C10orf71: variants seen among roughly 807,000 people sequenced by gnomAD.
C10orf71 encodes the protein cardiac-enriched FHL2-interacting protein.
For synonymous variants in C10orf71, 758 were observed against 726.3 expected (o/e 1.04, Z -0.70); for missense variants, 1,869 against 1,804.5 (o/e 1.04, Z -0.65).
chr10:49,310,543 G>A (rs906938412), intron 1 of C10orf71, among the ~76,000 whole-genome samples: 4 of 152,168 alleles, frequency 2.6e-5, no homozygotes, highest in African/African-American at 9.7e-5. Flanking sequence ...GCACCTCTCT[G>A]TGCCTTTGTT....
chr10:49,300,413 C>T (rs915029286), intron 1 of C10orf71, among the ~76,000 whole-genome samples: 1 of 146,556 alleles, frequency 6.8e-6, no homozygotes, highest in Non-Finnish European at 1.5e-5. Context: ...AAAAAGTTTG[C>T]TGACCACTGT....
chr10:49,305,913 G>A (rs1848804929), intron 1 of C10orf71, among the ~76,000 whole-genome samples: 1 of 152,186 alleles, frequency 6.6e-6, no homozygotes, highest in East Asian at 1.9e-4. Flanking sequence ...TTAAATGAAC[G>A]AATAGATTAG....
Position 49,323,136 on chromosome 10 carries a change from G to C in C10orf71, c.591G>C (p.Arg197Ser). The C allele has an allele frequency of 1.2e-6, 2 of 1,613,964 alleles. No homozygotes were observed. Among genetic ancestry groups the C allele is most frequent in the Non-Finnish European group, 1.7e-6 (2 of 1,179,886 alleles). The change falls in exon 3 of 3, where the codon AGG becomes AGC. Residue 197 changes from arginine to serine, a missense_variant. By Grantham distance (110) the Arg-to-Ser change is moderately radical (BLOSUM62 -1). Transcript: ENST00000374144. ...ATTCTGCCTTTCTGACAGTCAGGAG[G>C]GTGCCCGCTGAAGTTTCCAACACCC... The part of the protein sequence containing the change: ...CFDSAFLTVR[R>S]VPAEVSNTHQ...
rs996917025 is a variant in C10orf71 at position 49,326,456 on chromosome 10, C to G, written c.3911C>G (p.Thr1304Arg). 3.2e-6 allele frequency: 5 copies of G among 1,550,072 alleles called. No homozygotes were observed. The highest frequency in any genetic ancestry group is 8.7e-7 in the Non-Finnish European group (1 of 1,146,758). Residue 1304 changes from threonine (T) to arginine (R), a missense_variant, in exon 3 of 3, where the codon ACG (threonine) becomes AGG (arginine). Thr to Arg is a moderately conservative substitution (Grantham distance 71). Transcript: ENST00000374144. Reference protein sequence around the residue: ...VKIKTFYDPETGKYVKVSIPS... With the variant: ...VKIKTFYDPERGKYVKVSIPS... ...ATCAAGACCTTCTATGACCCAGAGA[C>G]GGGCAAGTATGTCAAGGTCTCCATC...
chr10:49,322,650 G>T lies in C10orf71; in HGVS notation c.105G>T (p.Arg35=), dbSNP rs1367961646. Residue 35 remains arginine, a synonymous_variant, in exon 3 of 3, where the codon CGG becomes CGT. Coordinates refer to ENST00000374144, the MANE Select transcript of C10orf71 (RefSeq NM_001135196.2). ...ADREVSSLTD[R]AFRSLCISED... is the part of the protein sequence containing the mutation. Reference sequence around the variant, plus strand: ...GGGAGGTGAGCAGCCTAACAGACCGGGCATTCCGGAGTTTGTGCATCTCCG... The same window carrying T: ...GGGAGGTGAGCAGCCTAACAGACCGTGCATTCCGGAGTTTGTGCATCTCCG... The T allele has an allele frequency of 5.0e-6, 8 of 1,613,598 alleles. No homozygotes were observed. The highest frequency in any genetic ancestry group is 6.8e-6 in the Non-Finnish European group (8 of 1,179,694).
At position 49,323,728 on chromosome 10, in the gene C10orf71, C is replaced by T; in HGVS notation, c.1183C>T (p.Gln395Ter). Residue 395 changes from glutamine to a stop codon, truncating the protein, a stop_gained, in exon 3 of 3, where the codon CAA becomes TAA. Transcript: ENST00000374144. LOFTEE classifies it low-confidence loss of function (END_TRUNC). ...TGGCAAAAAAGGGAAAGAAAGTCTA[C>T]AAGATACTTTAGAAGAAAAGACACA... ...KTGKKGKESL[Q>*]DTLEEKTQTN... 4 of 1,614,006 alleles carry T rather than the reference C, an allele frequency of 2.5e-6. No individual in the cohort carries two copies. The highest frequency in any genetic ancestry group is 3.4e-6 in the Non-Finnish European group (4 of 1,179,904).
chr10:49,315,739 A>G (rs970223097), intron 1 of C10orf71, among the ~76,000 whole-genome samples: 2 of 152,230 alleles, frequency 1.3e-5, no homozygotes, highest in African/African-American at 4.8e-5. Context: ...AAGGCCAACT[A>G]CATCGTTGTA....
chr10:49,299,397 C>CGG (rs1208452164), intron 1 of C10orf71, 164 bp downstream of exon 1: 1 of 152,504 alleles, frequency 6.6e-6, no homozygotes, highest in African/African-American at 2.4e-5. Flanking sequence ...TGGGCAGAGC[C>CGG]GGGTTTCTCT....
intron 1 of C10orf71, among the ~76,000 whole-genome samples, chr10:49,304,898 G>A (rs1848787497): frequency 6.6e-6 from 1 of 152,212 alleles, no homozygotes; most frequent in Admixed American, 6.5e-5. Context: ...CCCACTTCCT[G>A]ATCCATAAGG....
rs1849127651 is a variant in C10orf71 at position 49,323,071 on chromosome 10, T to C, written c.526T>C (p.Phe176Leu). The C allele has an allele frequency of 6.2e-7, 1 of 1,613,972 alleles. No individual in the cohort carries two copies. The highest frequency in any genetic ancestry group is 8.5e-7 in the Non-Finnish European group (1 of 1,179,872). ...KPPALKNPPKFAPLPENSVNF... is the reference protein window; with the variant it reads ...KPPALKNPPKLAPLPENSVNF... The stretch of plus-strand genomic sequence containing the variant: ...TCCGGCTCTGAAAAATCCTCCCAAA[T>C]TCGCTCCTCTTCCAGAAAACAGTGT... The change falls in exon 3 of 3, where the codon TTC (phenylalanine) becomes CTC (leucine). Residue 176 changes from phenylalanine to leucine, a missense_variant. Phe to Leu is a conservative substitution (Grantham distance 22, BLOSUM62 0). Coordinates refer to ENST00000374144, the MANE Select transcript of C10orf71 (RefSeq NM_001135196.2).
chr10:49,309,353 A>G (rs1848871694), intron 1 of C10orf71, among the ~76,000 whole-genome samples: 1 of 152,156 alleles, frequency 6.6e-6, no homozygotes, highest in Admixed American at 6.5e-5. Context: ...TTGCTAATAC[A>G]TGTGCACACT....
chr10:49,327,239 T>C lies in C10orf71; in HGVS notation c.*386T>C, dbSNP rs1849280544. 2.7e-6 allele frequency: 1 copy of C among 374,264 alleles called. No homozygotes were observed. Among genetic ancestry groups the C allele is most frequent in the African/African-American group, 2.1e-5 (1 of 46,974 alleles). The allele number at this position is 374,264 out of a possible 1,614,324, so 23.2% of individuals were successfully genotyped here. A position where few individuals can be genotyped will look rare whatever the true frequency, so the allele number is the denominator to read the frequency against. ...CCGCCTGGTCCCAAGTGTCCCTCTG[T>C]ACCCACACCCACCCACTCACTTGTA... On this transcript the variant is annotated 3_prime_UTR_variant, in exon 3 of 3. Transcript: ENST00000374144.
chr10:49,300,329 C>T (rs1848704589), intron 1 of C10orf71, among the ~76,000 whole-genome samples: 1 of 152,126 alleles, frequency 6.6e-6, no homozygotes, highest in South Asian at 2.1e-4. Flanking sequence ...TTGTCTAAAG[C>T]TGCTTCTACA....
Position 49,327,149 on chromosome 10 carries a change from C to T in C10orf71, c.*296C>T. 5.4e-6 allele frequency: 5 copies of T among 922,112 alleles called. No homozygotes were observed. In the South Asian group the frequency reaches 6.6e-5, roughly 12 times the overall value. The allele number at this position is 922,112 out of a possible 1,614,324, so 57.1% of individuals were successfully genotyped here. A position where few individuals can be genotyped will look rare whatever the true frequency, so the allele number is the denominator to read the frequency against. On this transcript the variant is annotated 3_prime_UTR_variant, in exon 3 of 3. Transcript: ENST00000374144. Reference sequence around the variant, plus strand: ...TCCAGCCCTTCTCCCTCCCTCCCTTCCTCCCTCTCCTGGCCCACCCTGCTC... The same window carrying T: ...TCCAGCCCTTCTCCCTCCCTCCCTTTCTCCCTCTCCTGGCCCACCCTGCTC...
intron 1 of C10orf71, among the ~76,000 whole-genome samples, chr10:49,306,086 T>C (rs535402243): frequency 6.6e-6 from 1 of 152,372 alleles, no homozygotes; most frequent in South Asian, 2.1e-4. Context: ...GGAGGATGTG[T>C]ATGCCATTCA....
intron 2 of C10orf71, among the ~76,000 whole-genome samples, chr10:49,322,089 G>C (rs1849102931): frequency 6.6e-6 from 1 of 152,110 alleles, no homozygotes; most frequent in African/African-American, 2.4e-5. Flanking sequence ...AATCCCACTT[G>C]TCTATTTTTG....
intron 1 of C10orf71, among the ~76,000 whole-genome samples, chr10:49,312,116 A>G (rs1161285833): frequency 6.6e-6 from 1 of 152,208 alleles, no homozygotes; most frequent in Non-Finnish European, 1.5e-5. Flanking sequence ...AGTCTGATTC[A>G]AAAAGATGAC....
At chr10:49,321,048 TTTA>T (rs1207657742) in intron 2 of C10orf71, among the ~76,000 whole-genome samples, 1 of 151,962 alleles carries the variant, frequency 6.6e-6, no homozygotes, top group African/African-American at 2.4e-5. Context: ...ACCGCTTTTA[TTTA>T]TTATTTGTGT....
At position 49,319,539 on chromosome 10, in the gene C10orf71, G is replaced by A. The variant is rs150641378; in HGVS notation, c.-144-2863G>A. 7.3e-3 allele frequency among the ~76,000 whole-genome samples: 1,112 copies of A among 152,038 alleles called. 9 individuals are homozygous for A. The highest frequency in any genetic ancestry group is 0.012 in the Non-Finnish European group (817 of 67,992). ...GGGGTTATACCCAAAAGAATTGAAA[G>A]CAGGGTCTTTGAGAGATATTTGCAC... On this transcript the variant is annotated intron_variant, in intron 2 of 2. Coordinates refer to ENST00000374144, the MANE Select transcript of C10orf71 (RefSeq NM_001135196.2).
Sources: allele counts gnomAD v4.1 joint callset (sites outside exome capture counted in the v4.1 genomes callset), GRCh38; gene constraint gnomAD v4.1.1; transcripts MANE v1.5; gene names NCBI Gene and HGNC (gene_info 2026-07-23, HGNC 2026-07-21).